RAB36: variants seen among roughly 807,000 people sequenced by gnomAD.
RAB36 encodes RAB36, member RAS oncogene family.
In RAB36, 33 loss-of-function variants were observed where a neutral mutation model predicts 39.3. That is an observed-to-expected ratio of 0.84 (90% confidence interval 0.64 to 1.12). RAB36 has a LOEUF of 1.12. RAB36 is among the 50% of genes most tolerant of loss of function. The pLI, the probability that RAB36 is intolerant of heterozygous loss-of-function variation, is 0.00. For missense variants in RAB36, 308 were observed against 355.3 expected, an observed-to-expected ratio of 0.87 and a Z score of 1.07; for synonymous variants, 133 against 140.2, an observed-to-expected ratio of 0.95 and a Z score of 0.36.
Position 23,156,004 on chromosome 22 carries a change from C to A in RAB36, c.366C>A (p.Ile122=). 1 of 1,612,988 alleles carries A rather than the reference C, an allele frequency of 6.2e-7. No individual in the cohort carries two copies. The highest frequency in any genetic ancestry group is 1.1e-5 in the South Asian group (1 of 90,832). ...CTGGGCAGGAGAAGTTCAAGTGCATCGCATCTGCCTACTACCGGGGTGCCC... is the reference window on the plus strand; with the variant it reads ...CTGGGCAGGAGAAGTTCAAGTGCATAGCATCTGCCTACTACCGGGGTGCCC... ...DTAGQEKFKC[I]ASAYYRGAQV... Residue 122 remains isoleucine (I), a synonymous_variant, in exon 6 of 11, where the codon ATC becomes ATA. Transcript: ENST00000263116.
chr22:23,146,989 T>G (rs975410609), intron 2 of RAB36, among the ~76,000 whole-genome samples: 2 of 152,204 alleles, frequency 1.3e-5, no homozygotes, highest in African/African-American at 4.8e-5. Flanking sequence ...GGCAAATTAC[T>G]CAACCTCTCA....
chr22:23,145,988 A>G (rs1381370545), intron 1 of RAB36: 2 of 985,186 alleles, frequency 2.0e-6, no homozygotes, highest in South Asian at 4.7e-5. Context: ...TCCCCACTCT[A>G]CTTCCACTGC....
rs2071828226 is a variant in RAB36, at chr22:23,161,888, G to C, written c.*324G>C. ...TCACCTTTGGCCTCAAGAGGCCTCA[G>C]AACTGCAAACTCCTGCGTCGGTCTA... On this transcript the variant is annotated 3_prime_UTR_variant, in exon 11 of 11. Transcript: ENST00000263116. 1 of 354,860 alleles carries C rather than the reference G, an allele frequency of 2.8e-6. No homozygotes were observed. The highest frequency in any genetic ancestry group is 5.3e-6 in the Non-Finnish European group (1 of 190,228). 22.0% of individuals were successfully genotyped at this position (354,860 alleles called of 1,614,324 possible).
At chr22:23,152,093 A>T (rs981253241) in intron 3 of RAB36, among the ~76,000 whole-genome samples, 1 of 152,234 alleles carries the variant, frequency 6.6e-6, no homozygotes, top group African/African-American at 2.4e-5. Context: ...CCCTCAGCAC[A>T]GCTCCCGGAC....
chr22:23,157,053 G>T (rs975863424), intron 6 of RAB36, among the ~76,000 whole-genome samples: 1 of 152,190 alleles, frequency 6.6e-6, no homozygotes, highest in Non-Finnish European at 1.5e-5. Flanking sequence ...TGCCTGGAAT[G>T]TTCTCCACAT....
chr22:23,151,971 T>A (rs1455583818), intron 3 of RAB36, among the ~76,000 whole-genome samples: 1 of 152,202 alleles, frequency 6.6e-6, no homozygotes, highest in Non-Finnish European at 1.5e-5. Flanking sequence ...GAGTGCCTGC[T>A]TGCAAGAGGC....
At chr22:23,150,264 T>A in intron 3 of RAB36, 110 bp downstream of exon 3, 2 of 851,232 alleles carry the variant, frequency 2.3e-6, no homozygotes, top group Non-Finnish European at 3.8e-6. Flanking sequence ...GGTGCAGCCC[T>A]GTACAGGCCT....
chr22:23,153,434 T>G (rs1371311955), intron 5 of RAB36: 1 of 375,032 alleles, frequency 2.7e-6, no homozygotes, highest in African/African-American at 2.2e-5. Flanking sequence ...CTCCAGTCCC[T>G]CCCTGACCTA....
chr22:23,150,302 T>TTA, intron 3 of RAB36, 148 bp downstream of exon 3: 1 of 631,404 alleles, frequency 1.6e-6, no homozygotes, highest in Non-Finnish European at 2.7e-6. Context: ...TCTTTTTTTT[T>TTA]TCTTTTTTTT....
At chr22:23,151,450 C>T (rs2071119344) in intron 3 of RAB36, among the ~76,000 whole-genome samples, 1 of 152,212 alleles carries the variant, frequency 6.6e-6, no homozygotes, top group Admixed American at 6.5e-5. Context: ...AGGTGACCTG[C>T]AGCCCAGGTC....
Position 23,152,520 on chromosome 22 carries a change from T to G in RAB36, c.221T>G (p.Ile74Ser), listed in dbSNP as rs775278006. 2.5e-6 allele frequency: 4 copies of G among 1,614,120 alleles called. No homozygotes were observed. The highest frequency in any genetic ancestry group is 3.4e-6 in the Non-Finnish European group (4 of 1,179,994). Reference sequence around the variant, plus strand: ...CTCTACGTGGGGAAGACCAGCCTCATCCACAGGTACAAGGCTTCCTCTGCC... The same window carrying G: ...CTCTACGTGGGGAAGACCAGCCTCAGCCACAGGTACAAGGCTTCCTCTGCC... ...GDLYVGKTSL[I>S]HRFCKNVFDR... Residue 74 changes from isoleucine (I) to serine (S), a missense_variant, in exon 4 of 11, where the codon ATC (isoleucine) becomes AGC (serine). Transcript: ENST00000263116.
intron 2 of RAB36, among the ~76,000 whole-genome samples, chr22:23,148,225 G>C (rs2070911721): frequency 6.6e-6 from 1 of 152,162 alleles, no homozygotes; most frequent in African/African-American, 2.4e-5. Flanking sequence ...TTGTGTCTCA[G>C]ACCTGTGGAC....
Position 23,159,254 on chromosome 22 carries a change from G to A in RAB36, c.619+1G>A, listed in dbSNP as rs1340287169. ...TACTGGTCAGTGTCGGCCAAGACTG[G>A]TGAGTGGGCCAGGGCTGTCACCATG... On this transcript the variant is annotated splice_donor_variant, in intron 9 of 10. Transcript: ENST00000263116. LOFTEE classifies it high-confidence loss of function. 6 of 1,584,998 alleles carry A rather than the reference G, an allele frequency of 3.8e-6. No individual in the cohort carries two copies. The highest frequency in any genetic ancestry group is 5.1e-6 in the Non-Finnish European group (6 of 1,166,056).
intron 9 of RAB36, 97 bp downstream of exon 9, chr22:23,159,350 C>T (rs932180781): frequency 8.3e-6 from 10 of 1,204,098 alleles, no homozygotes; most frequent in African/African-American, 3.1e-5. Context: ...TGTAGCCAGT[C>T]GTCTGTTCCC....
In RAB36 at chr22:23,161,524, C is replaced by T. The variant is rs140862285; in HGVS notation, c.764C>T (p.Thr255Ile). 1.5e-5 allele frequency: 24 copies of T among 1,612,986 alleles called. No homozygotes were observed. The highest frequency in any genetic ancestry group is 2.0e-5 in the Non-Finnish European group (24 of 1,179,546). The change falls in exon 11 of 11, where the codon ACC becomes ATC. Residue 255 changes from threonine to isoleucine, a missense_variant. Transcript: ENST00000263116. ...LIQMEGSPPE[T>I]QESKRPSSLG... ...GAAATGGAAGGGAGTCCGCCCGAGA[C>T]CCAGGAGAGCAAGAGGCCCTCCAGC...
Position 23,161,698 on chromosome 22 carries a change from C to T in RAB36, c.*134C>T. On this transcript the variant is annotated 3_prime_UTR_variant, in exon 11 of 11. Transcript: ENST00000263116. ...CTGTAGGCCCATGTTCCAGTCCCTC[C>T]ACCCACCCACCGGGCTCAGCTCCAG... 1.3e-6 allele frequency: 1 copy of T among 741,018 alleles called. No homozygotes were observed. The highest frequency in any genetic ancestry group is 2.2e-6 in the Non-Finnish European group (1 of 463,360). 45.9% of individuals were successfully genotyped at this position (741,018 alleles called of 1,614,324 possible).
Position 23,162,625 on chromosome 22 carries a change from T to A in RAB36, c.*1061T>A, listed in dbSNP as rs368575659. The A allele has an allele frequency of 4.4e-5, 20 of 456,142 alleles. No individual in the cohort carries two copies. The highest frequency in any genetic ancestry group is 7.9e-5 in the Non-Finnish European group (18 of 226,962). The allele number at this position is 456,142 out of a possible 1,614,324, so 28.3% of individuals were successfully genotyped here. A position where few individuals can be genotyped will look rare whatever the true frequency, so the allele number is the denominator to read the frequency against. ...TCCCCAGCCTCTCTGCCCAGTATGC[T>A]CATCCACAGGGTTTTCTCACTGCTA... On this transcript the variant is annotated 3_prime_UTR_variant, in exon 11 of 11. Coordinates refer to ENST00000263116, the MANE Select transcript of RAB36 (RefSeq NM_004914.5).
chr22:23,152,513 A>G lies in RAB36; in HGVS notation c.214A>G (p.Ser72Gly). Residue 72 changes from serine to glycine, a missense_variant, in exon 4 of 11, where the codon AGC becomes GGC. Physicochemically the swap from Ser to Gly is moderately conservative, Grantham distance 56. Coordinates refer to ENST00000263116, the MANE Select transcript of RAB36 (RefSeq NM_004914.5). ...TGGCGATCTCTACGTGGGGAAGACC[A>G]GCCTCATCCACAGGTACAAGGCTTC... ...VVGDLYVGKT[S>G]LIHRFCKNVF... The G allele has an allele frequency of 1.9e-6, 3 of 1,614,194 alleles. No homozygotes were observed. The highest frequency in any genetic ancestry group is 2.5e-6 in the Non-Finnish European group (3 of 1,180,022).
downstream of RAB36, among the ~76,000 whole-genome samples, chr22:23,167,921 T>C (rs2072077798): frequency 6.6e-6 from 1 of 152,040 alleles, no homozygotes; most frequent in Admixed American, 6.6e-5. Context: ...GGCGTGATCA[T>C]AGCTCAGTGC....
Sources: gnomAD v4.1 joint callset for allele counts (sites outside exome capture counted in the v4.1 genomes callset) on GRCh38, gnomAD v4.1.1 for gene constraint, MANE v1.5 for transcripts, NCBI Gene and HGNC (gene_info 2026-07-23, HGNC 2026-07-21) for gene names.